The following ROBO2 variants were observed in gnomAD, a reference collection of about 807,000 sequenced individuals.
The protein encoded by ROBO2 is roundabout homolog 2.
Under a neutral mutation model 160.8 loss-of-function variants are expected in ROBO2, and 53 were observed. The ratio of observed to expected loss-of-function variants is 0.33; its 90% confidence interval spans 0.26 to 0.41. The LOEUF (loss-of-function observed/expected upper bound fraction) is 0.41, where lower values mean the gene tolerates loss of function less well. ROBO2 is among the 10% of genes least tolerant of loss of function. ROBO2 has a pLI of 1.00. For synonymous variants in ROBO2, 664 were observed against 611.7 expected (o/e 1.09, Z -1.26); for missense variants, 1,577 against 1,722.4 (o/e 0.92, Z 1.49).
chr3:76,662,766 TGAG>T (rs1394810129), intron 2 of ROBO2, among the ~76,000 whole-genome samples: 3 of 151,994 alleles, frequency 2.0e-5, no homozygotes, highest in Non-Finnish European at 4.4e-5. Flanking sequence ...TGAGCAGAGT[TGAG>T]GAGTCAGGAA....
intron 2 of ROBO2, among the ~76,000 whole-genome samples, chr3:76,900,637 G>A (rs914639320): frequency 6.6e-6 from 1 of 152,182 alleles, no homozygotes; most frequent in Non-Finnish European, 1.5e-5. Flanking sequence ...GACCAACGCT[G>A]CTAGACGATA....
intron 2 of ROBO2, among the ~76,000 whole-genome samples, chr3:77,410,645 TTTC>T (rs2076678822): frequency 1.8e-5 from 1 of 55,666 alleles, no homozygotes; most frequent in Non-Finnish European, 3.3e-5. Context: ...CCTGCTCCTC[TTTC>T]TCCTCCTCTT....
intron 2 of ROBO2, among the ~76,000 whole-genome samples, chr3:76,329,280 G>A (rs781352717): frequency 3.9e-5 from 6 of 152,122 alleles, no homozygotes; most frequent in African/African-American, 9.7e-5. Flanking sequence ...GTGCAGCGGC[G>A]CGATCTTAGT....
chr3:77,236,201 T>C (rs943422660), intron 2 of ROBO2, among the ~76,000 whole-genome samples: 1 of 152,188 alleles, frequency 6.6e-6, no homozygotes, highest in Non-Finnish European at 1.5e-5. Context: ...CGTTTTCTAA[T>C]TGGCAACTGG....
chr3:76,489,617 A>C (rs2079703121), intron 2 of ROBO2, among the ~76,000 whole-genome samples: 1 of 152,178 alleles, frequency 6.6e-6, no homozygotes, highest in Non-Finnish European at 1.5e-5. Flanking sequence ...TATTTTATTT[A>C]TAACTTCTCA....
intron 2 of ROBO2, among the ~76,000 whole-genome samples, chr3:76,560,267 G>C (rs978637314): frequency 2.6e-5 from 4 of 151,972 alleles, no homozygotes; most frequent in African/African-American, 7.2e-5. Flanking sequence ...TAAAGTAGCC[G>C]TCATAAGAAT....
intron 2 of ROBO2, among the ~76,000 whole-genome samples, chr3:76,356,811 T>G (rs2075198863): frequency 6.6e-6 from 1 of 151,584 alleles, no homozygotes; most frequent in Non-Finnish European, 1.5e-5. Context: ...AGAAAGTATA[T>G]TTTTTCAAGA....
rs2092326268 is a variant in ROBO2, at chr3:76,673,567, A to T, written c.110-424447A>T. Among the ~76,000 whole-genome samples, 2 of 152,184 alleles carry T rather than the reference A, an allele frequency of 1.3e-5. 1 individual carries two copies. Among genetic ancestry groups the T allele is most frequent in the South Asian group, 4.2e-4 (2 of 4,814 alleles). On this transcript the variant is annotated intron_variant, in intron 2 of 26. Transcript: ENST00000487694. ...TTGAAAACAATGTCATTCATAGTAAATAGAAATCAAGAAATGTTAACTTTT... is the reference window on the plus strand; with the variant it reads ...TTGAAAACAATGTCATTCATAGTAATTAGAAATCAAGAAATGTTAACTTTT...
intron 2 of ROBO2, among the ~76,000 whole-genome samples, chr3:77,174,475 T>G (rs1051959437): frequency 6.6e-5 from 10 of 152,072 alleles, no homozygotes; most frequent in Admixed American, 6.6e-4. Context: ...TGGGGTTTTT[T>G]AAAAATTTAT....
At chr3:76,708,732 G>A (rs930269663) in intron 2 of ROBO2, among the ~76,000 whole-genome samples, 14 of 152,188 alleles carry the variant, frequency 9.2e-5, no homozygotes, top group African/African-American at 2.9e-4. Flanking sequence ...TTGTGTTCAC[G>A]TTTTAGAACC....
Position 76,524,826 on chromosome 3 carries a change from T to TAAAAAAAAAAAA in ROBO2, c.110-573159_110-573148dup, listed in dbSNP as rs58091252. 1.1e-3 allele frequency among the ~76,000 whole-genome samples: 23 copies of TAAAAAAAAAAAA among 21,736 alleles called. 2 individuals are homozygous for TAAAAAAAAAAAA. The highest frequency in any genetic ancestry group is 5.2e-3 in the East Asian group (4 of 776). The allele number at this position is 21,736 out of a possible 152,430, so 14.3% of individuals were successfully genotyped here. A position where few individuals can be genotyped will look rare whatever the true frequency, so the allele number is the denominator to read the frequency against. ...TAAAAACCTATGACCCTCTTATTCCTAAAAAAAAAAAAAAAAAAAAAAAAA... is the reference window on the plus strand; with the variant it reads ...TAAAAACCTATGACCCTCTTATTCCTAAAAAAAAAAAAAAAAAAAAAAAAAAAAAAAAAAAAA... On this transcript the variant is annotated intron_variant, in intron 2 of 26. Transcript: ENST00000487694.
intron 2 of ROBO2, among the ~76,000 whole-genome samples, chr3:76,378,070 GTA>G (rs1305278612): frequency 2.0e-5 from 3 of 152,120 alleles, no homozygotes; most frequent in African/African-American, 7.2e-5. Flanking sequence ...GCAGCTTGCA[GTA>G]TAATATGAGA....
At chr3:76,787,365 C>CACACACACAG (rs1491014958) in intron 2 of ROBO2, among the ~76,000 whole-genome samples, 2 of 147,938 alleles carry the variant, frequency 1.4e-5, no homozygotes, top group Admixed American at 6.8e-5. Flanking sequence ...CACACACACA[C>CACACACACAG]AGAGTTTGTT....
intron 2 of ROBO2, among the ~76,000 whole-genome samples, chr3:76,226,511 G>A (rs1157878314): frequency 2.0e-5 from 3 of 152,132 alleles, no homozygotes; most frequent in Non-Finnish European, 1.5e-5. Flanking sequence ...GGAGAACTAC[G>A]TGTTCTCTAA....
At chr3:76,599,083 T>G (rs1363288190) in intron 2 of ROBO2, among the ~76,000 whole-genome samples, 2 of 152,146 alleles carry the variant, frequency 1.3e-5, no homozygotes, top group African/African-American at 4.8e-5. Flanking sequence ...AAAAAAATTT[T>G]GTTTTAGGTT....
chr3:76,169,368 C>T (rs1192732648), intron 2 of ROBO2, among the ~76,000 whole-genome samples: 2 of 152,150 alleles, frequency 1.3e-5, no homozygotes, highest in Non-Finnish European at 2.9e-5. Flanking sequence ...GGAGGCACAA[C>T]ATTTTGTATA....
chr3:76,347,024 A>C (rs1403811213), intron 2 of ROBO2, among the ~76,000 whole-genome samples: 3 of 152,146 alleles, frequency 2.0e-5, no homozygotes, highest in African/African-American at 7.2e-5. Flanking sequence ...TTGTGGCTGA[A>C]CACCTAAGGA....
At chr3:76,253,942 A>G (rs996516987) in intron 2 of ROBO2, among the ~76,000 whole-genome samples, 4 of 152,174 alleles carry the variant, frequency 2.6e-5, no homozygotes, top group East Asian at 3.9e-4. Flanking sequence ...TTTAGAAACC[A>G]TAAGACAAAT....
intron 2 of ROBO2, among the ~76,000 whole-genome samples, chr3:76,404,032 C>G (rs1015036726): frequency 7.9e-5 from 12 of 151,726 alleles, no homozygotes; most frequent in Admixed American, 2.6e-4. Context: ...TATTTTCCCT[C>G]TCTAGGTTTT....
Sources: allele counts gnomAD v4.1 joint callset (sites outside exome capture counted in the v4.1 genomes callset), GRCh38; gene constraint gnomAD v4.1.1; transcripts MANE v1.5; gene names NCBI Gene and HGNC (gene_info 2026-07-23, HGNC 2026-07-21).